Variants in PFAS observed in about 807,000 individuals in gnomAD.
PFAS encodes the protein FGAM synthase.
PFAS carries 97 observed loss-of-function variants against 140.6 expected under a neutral mutation model. The observed-to-expected ratio is 0.69, with a 90% CI of 0.59 to 0.82. PFAS has a LOEUF of 0.82. PFAS is among the 40% of genes least tolerant of loss of function. PFAS has a pLI of 0.00. For missense variants in PFAS, 1,656 were observed against 1,780.2 expected, an observed-to-expected ratio of 0.93 and a Z score of 1.26; for synonymous variants, 679 against 718.8, an observed-to-expected ratio of 0.94 and a Z score of 0.88.
In PFAS at chr17:8,256,318, G is replaced by T. The variant is rs1989363231; in HGVS notation, c.732G>T (p.Gln244His). 3 of 1,614,062 alleles carry T rather than the reference G, an allele frequency of 1.9e-6. No individual in the cohort carries two copies. The East Asian group carries it at 6.7e-5, about 36-fold the overall frequency. ...AGGGCCAGCTCCACGTGGATGGGCA[G>T]AAGCTGGTGCACTCACTGTTTGAGT... ...FFKGQLHVDG[Q>H]KLVHSLFESI... Residue 244 changes from glutamine (Q) to histidine (H), a missense_variant, in exon 7 of 28, where the codon CAG becomes CAT. Around this residue, in one of 2 missense-constraint regions of PFAS, gnomAD observed 773 missense variants for 757.3 expected, o/e 1.02. Transcript: ENST00000314666.
Position 8,267,508 on chromosome 17 carries a change from C to A in PFAS, c.3268-43C>A. ...GCTGGGGGTGATTGTCCAGCCTCAG[C>A]TGCGTGTCCTCCCACCCACACTCCC... On this transcript the variant is annotated intron_variant, in intron 25 of 27. Transcript: ENST00000314666. This position sits in a 1 kb window ranked among gnomAD's most constrained non-coding sequence, Gnocchi z 4.9. The A allele has an allele frequency of 6.3e-7, 1 of 1,591,462 alleles. No individual in the cohort carries two copies. The highest frequency in any genetic ancestry group is 8.6e-7 in the Non-Finnish European group (1 of 1,159,284).
chr17:8,254,036 G>A lies in PFAS; in HGVS notation c.99G>A (p.Leu33=), dbSNP rs920195590. 1 of 1,614,186 alleles carries A rather than the reference G, an allele frequency of 6.2e-7. No individual in the cohort carries two copies. Among genetic ancestry groups the A allele is most frequent in the South Asian group, 1.1e-5 (1 of 91,080 alleles). The change falls in exon 2 of 28, where the codon CTG becomes CTA. Residue 33 remains leucine, a synonymous_variant. Coordinates refer to ENST00000314666, the MANE Select transcript of PFAS (RefSeq NM_012393.3). ...AACTGCAAGGGAAACTGCCAGAGCT[G>A]CAGGGCGTCGAGACTGAACTGTGCT... The part of the protein sequence containing the change: ...RRKLQGKLPE[L]QGVETELCYN...
chr17:8,260,976 C>T (rs1358701714), intron 11 of PFAS, among the ~76,000 whole-genome samples: 1 of 152,068 alleles, frequency 6.6e-6, no homozygotes, highest in African/African-American at 2.4e-5. Flanking sequence ...AGGTATATAA[C>T]TAGGGGTGGA....
intron 1 of PFAS, among the ~76,000 whole-genome samples, chr17:8,249,720 T>C (rs1000787486): frequency 2.6e-5 from 4 of 152,168 alleles, no homozygotes; most frequent in African/African-American, 9.7e-5. Context: ...TCAAGTGGCT[T>C]AATAAACAAA....
chr17:8,268,423 A>AT (rs1989916932), intron 26 of PFAS, 110 bp from the exon 27 acceptor site: 1 of 725,506 alleles, frequency 1.4e-6, no homozygotes, highest in East Asian at 2.7e-5. Context: ...GGAGGGAGGG[A>AT]AAAGGAAGAA....
At position 8,256,935 on chromosome 17, in the gene PFAS, C is replaced by T. The variant is rs754999564; in HGVS notation, c.1047C>T (p.Gly349=). ...RGAHVVAGTA[G]YCFGNLHIPG... ...CCCACGTGGTGGCTGGCACTGCCGGCTATTGCTTTGGAAATCTGCATATTC... is the reference window on the plus strand; with the variant it reads ...CCCACGTGGTGGCTGGCACTGCCGGTTATTGCTTTGGAAATCTGCATATTC... The change falls in exon 9 of 28, where the codon GGC becomes GGT. Residue 349 remains glycine, a synonymous_variant. Transcript: ENST00000314666. The T allele has an allele frequency of 5.6e-6, 9 of 1,614,192 alleles. No homozygotes were observed. In the Admixed American group the frequency reaches 1.2e-4, roughly 21 times the overall value.
intron 9 of PFAS, 118 bp from the exon 10 acceptor site, chr17:8,257,689 A>G (rs553017779): frequency 6.7e-6 from 7 of 1,043,338 alleles, no homozygotes; most frequent in Admixed American, 5.2e-5. Flanking sequence ...CTGAAGTGGA[A>G]CATTGCAACC....
chr17:8,268,387 AAG>A (rs1327890478), intron 26 of PFAS, 144 bp from the exon 27 acceptor site: 4 of 626,026 alleles, frequency 6.4e-6, no homozygotes, highest in South Asian at 2.1e-5. Context: ...AAAAAAAAAA[AAG>A]AAAGAAGGAA....
At chr17:8,264,136 G>A (rs1022162301) in intron 15 of PFAS, 76 bp from the exon 16 acceptor site, 9 of 1,585,154 alleles carry the variant, frequency 5.7e-6, no homozygotes, top group African/African-American at 5.4e-5. Flanking sequence ...GCACATTTGT[G>A]CCCTGATTTC....
chr17:8,266,693 C>G lies in PFAS; in HGVS notation c.2822-60C>G. The G allele has an allele frequency of 6.5e-7, 1 of 1,546,438 alleles. No homozygotes were observed. The highest frequency in any genetic ancestry group is 8.7e-7 in the Non-Finnish European group (1 of 1,149,392). On this transcript the variant is annotated intron_variant, in intron 22 of 27. Transcript: ENST00000314666. This position sits in a 1 kb window ranked among gnomAD's most constrained non-coding sequence, Gnocchi z 5.0. ...CTGGCCCTTCCTGCATTTCCCTGAT[C>G]CCGCCCCAACTCCCTTGGCCCTTCT...
At chr17:8,251,724 T>G (rs1597413607) in intron 1 of PFAS, among the ~76,000 whole-genome samples, 1 of 143,194 alleles carries the variant, frequency 7.0e-6, no homozygotes, top group Admixed American at 7.5e-5. Flanking sequence ...CAGGCTGGAG[T>G]GCAATGGCTC....
chr17:8,248,222 G>T, upstream of PFAS: 1 of 604,738 alleles, frequency 1.7e-6, no homozygotes, highest in Non-Finnish European at 3.0e-6. Flanking sequence ...CCCAACTCCC[G>T]ACACCCCTGT....
At chr17:8,248,139 G>A, upstream of PFAS, 1 of 841,444 alleles carries the variant, frequency 1.2e-6, no homozygotes, top group East Asian at 2.7e-5. Flanking sequence ...GGGTTTCCTC[G>A]CCACCTCCAG....
At position 8,264,961 on chromosome 17, in the gene PFAS, G is replaced by T. The variant is rs1473273791; in HGVS notation, c.2116G>T (p.Ala706Ser). ...CGTGGGGCCCCTGCAAACTCCTCTG[G>T]CAGATGTAGCGGTTGTGGCACTGAG... The part of the protein sequence containing the change: ...QCVGPLQTPL[A>S]DVAVVALSHE... The change falls in exon 18 of 28, where the codon GCA (alanine) becomes TCA (serine). Residue 706 changes from alanine (A) to serine (S), a missense_variant. Physicochemically the swap from Ala to Ser is moderately conservative, Grantham distance 99. Around this residue, in one of 2 missense-constraint regions of PFAS, gnomAD observed 883 missense variants for 1,023.0 expected, o/e 0.86. Coordinates refer to ENST00000314666, the MANE Select transcript of PFAS (RefSeq NM_012393.3). 5 of 1,611,962 alleles carry T rather than the reference G, an allele frequency of 3.1e-6. No individual in the cohort carries two copies. The highest frequency in any genetic ancestry group is 3.3e-5 in the Admixed American group (2 of 59,884).
intron 11 of PFAS, among the ~76,000 whole-genome samples, chr17:8,259,208 CT>C (rs201363182): frequency 6.6e-6 from 1 of 150,648 alleles, no homozygotes; most frequent in South Asian, 2.1e-4. Context: ...TTTAGGTAAA[CT>C]TTTTTTTCTC....
chr17:8,265,452 G>C lies in PFAS; in HGVS notation c.2445G>C (p.Glu815Asp). The change falls in exon 19 of 28, where the codon GAG (glutamate) becomes GAC (aspartate). Residue 815 changes from glutamate (E) to aspartate (D), a missense_variant. Coordinates refer to ENST00000314666, the MANE Select transcript of PFAS (RefSeq NM_012393.3). ...GCATGGCTGCTCGGGTTGGCACTGA[G>C]ACCGTGCGGGCTCCTGGTGAGGTGT... ...SLSMAARVGT[E>D]TVRAPGSLVI... 6.2e-7 allele frequency: 1 copy of C among 1,613,714 alleles called. No individual in the cohort carries two copies. Among genetic ancestry groups the C allele is most frequent in the Non-Finnish European group, 8.5e-7 (1 of 1,179,668 alleles).
chr17:8,248,192 G>A (rs1597408453), upstream of PFAS: 1 of 642,362 alleles, frequency 1.6e-6, no homozygotes, highest in South Asian at 1.8e-5. Context: ...GAGACTCCGC[G>A]AGGCGCCTCG....
chr17:8,259,229 A>AATT (rs1229903247), intron 11 of PFAS, among the ~76,000 whole-genome samples: 2 of 150,066 alleles, frequency 1.3e-5, no homozygotes, highest in East Asian at 1.9e-4. Flanking sequence ...CTTTTTTGTT[A>AATT]ATTATTATTA....
intron 11 of PFAS, among the ~76,000 whole-genome samples, chr17:8,261,797 GATTGGATTT>G (rs1989604380): frequency 6.6e-6 from 1 of 151,856 alleles, no homozygotes; most frequent in African/African-American, 2.4e-5. Flanking sequence ...TTTTTGTAAA[GATTGGATTT>G]CACTGTGTTA....
Sources: allele counts gnomAD v4.1 joint callset (sites outside exome capture counted in the v4.1 genomes callset), GRCh38; gene constraint gnomAD v4.1.1; regional missense constraint gnomAD v4.1.1; non-coding constraint Gnocchi (gnomAD v3.1); transcripts MANE v1.5; gene names NCBI Gene and HGNC (gene_info 2026-07-23, HGNC 2026-07-21).